KCNAB2: variants seen among roughly 807,000 people sequenced by gnomAD.
The protein encoded by KCNAB2 is potassium voltage-gated channel subfamily A regulatory beta subunit 2, also known as voltage-gated potassium channel subunit beta-2.
KCNAB2 carries 29 observed loss-of-function variants against 63.6 expected under a neutral mutation model. That is an observed-to-expected ratio of 0.46 (90% CI 0.34 to 0.62). The LOEUF (loss-of-function observed/expected upper bound fraction) is 0.62. KCNAB2 is among the 20% of genes least tolerant of loss of function. The pLI is 0.01. For synonymous variants in KCNAB2, 222 were observed against 224.2 expected, an observed-to-expected ratio of 0.99 and a Z score of 0.09; for missense variants, 359 against 563.9, an observed-to-expected ratio of 0.64 and a Z score of 3.68.
chr1:6,068,504 G>A (rs563651718), intron 2 of KCNAB2, among the ~76,000 whole-genome samples: 33 of 152,294 alleles, frequency 2.2e-4, no homozygotes, highest in African/African-American at 7.7e-4. Context: ...TGCAAACACC[G>A]CCTTATACCT....
chr1:6,009,877 T>G (rs903036452), intron 1 of KCNAB2, among the ~76,000 whole-genome samples: 1 of 151,066 alleles, frequency 6.6e-6, no homozygotes, highest in African/African-American at 2.4e-5. Flanking sequence ...TTTTTTCTTT[T>G]TTTTTTTTTT....
chr1:6,033,778 G>C (rs372514286), upstream of KCNAB2, among the ~76,000 whole-genome samples: 1 of 152,168 alleles, frequency 6.6e-6, no homozygotes, highest in African/African-American at 2.4e-5. Context: ...TTTAATGACC[G>C]GATTCCTTCC....
intron 2 of KCNAB2, 109 bp from the exon 3 acceptor site, chr1:6,072,646 C>A: frequency 8.2e-7 from 1 of 1,219,722 alleles, no homozygotes; most frequent in Non-Finnish European, 1.2e-6. Context: ...CCTCCAAACA[C>A]ACATTGACTG....
intron 13 of KCNAB2, 93 bp downstream of exon 13, chr1:6,095,717 G>A: frequency 8.3e-7 from 1 of 1,201,606 alleles, no homozygotes; most frequent in Admixed American, 1.8e-5. Flanking sequence ...GCTGGGCAGG[G>A]GTTCCGGGAG....
intron 2 of KCNAB2, among the ~76,000 whole-genome samples, chr1:6,057,669 G>A (rs955981162): frequency 6.6e-6 from 1 of 152,178 alleles, no homozygotes; most frequent in African/African-American, 2.4e-5. Context: ...ACGGCCAGGT[G>A]CAGCCGGGCC....
At chr1:6,004,582 C>G (rs1013490123) in intron 1 of KCNAB2, among the ~76,000 whole-genome samples, 2 of 151,226 alleles carry the variant, frequency 1.3e-5, no homozygotes, top group African/African-American at 2.4e-5. Context: ...GAAACACCCC[C>G]CCGAGATTCT....
intron 2 of KCNAB2, among the ~76,000 whole-genome samples, chr1:6,066,498 G>A (rs1196111256): frequency 6.6e-6 from 1 of 152,224 alleles, no homozygotes; most frequent in Non-Finnish European, 1.5e-5. Flanking sequence ...CCCAGTTTCA[G>A]GGGGAGATGG....
At chr1:6,050,182 T>C (rs1182326559) in intron 1 of KCNAB2, among the ~76,000 whole-genome samples, 7 of 152,276 alleles carry the variant, frequency 4.6e-5, no homozygotes, top group South Asian at 4.1e-4. Flanking sequence ...ACTTTTCCTC[T>C]CTTGGGGCAG....
At position 6,079,067 on chromosome 1, in the gene KCNAB2, T is replaced by C. The variant is rs138312129; in HGVS notation, c.301-3128T>C. 4.5e-3 allele frequency among the ~76,000 whole-genome samples: 683 copies of C among 152,196 alleles called. 4 individuals are homozygous for C. The highest frequency in any genetic ancestry group is 0.016 in the African/African-American group (646 of 41,528). On this transcript the variant is annotated intron_variant, in intron 4 of 15. Coordinates refer to ENST00000378083, the MANE Select transcript of KCNAB2 (RefSeq NM_001199862.2). ...GCAGGGGCTGAACTTCAGGCTCCAG[T>C]GATGGGAGGATTAGTCAAGGAGGGC...
At chr1:6,077,347 C>A (rs557125556) in intron 4 of KCNAB2, among the ~76,000 whole-genome samples, 1 of 152,130 alleles carries the variant, frequency 6.6e-6, no homozygotes, top group African/African-American at 2.4e-5. Flanking sequence ...AAATCAGAGC[C>A]GTCAAAACAT....
Position 6,084,677 on chromosome 1 carries a change from G to A in KCNAB2, c.381-527G>A, listed in dbSNP as rs561131299. Among the ~76,000 whole-genome samples, 18 of 152,210 alleles carry A rather than the reference G, an allele frequency of 1.2e-4. No homozygotes were observed. In the South Asian group the frequency reaches 2.1e-3, roughly 18 times the overall value. On this transcript the variant is annotated intron_variant, in intron 5 of 15. Coordinates refer to ENST00000378083, the MANE Select transcript of KCNAB2 (RefSeq NM_001199862.2). ...CTAAAAATACAAAAATTAGCCGGGC[G>A]TGGTGGCAGGTGCCTGTAGTCCCAG... is the stretch of plus-strand genomic sequence containing the variant.
At position 6,091,269 on chromosome 1, in the gene KCNAB2, C is replaced by T. The variant is rs995911538; in HGVS notation, c.608C>T (p.Pro203Leu). 1 of 1,533,190 alleles carries T rather than the reference C, an allele frequency of 6.5e-7. No individual in the cohort carries two copies. Among genetic ancestry groups the T allele is most frequent in the African/African-American group, 1.4e-5 (1 of 72,986 alleles). 95.0% of individuals were successfully genotyped at this position (1,533,190 alleles called of 1,614,324 possible). A position where few individuals can be genotyped will look rare whatever the true frequency, so the allele number is the denominator to read the frequency against. ...ATCTTTCTTCTATCACCAGGGGACCCATTTAGTTCCTCCAAGTCAAGGACA... is the reference window on the plus strand; with the variant it reads ...ATCTTTCTTCTATCACCAGGGGACCTATTTAGTTCCTCCAAGTCAAGGACA... Reference protein sequence around the residue: ...PDPNTPMEGDPFSSSKSRTFI... With the variant: ...PDPNTPMEGDLFSSSKSRTFI... The change falls in exon 10 of 16, where the codon CCA becomes CTA. Residue 203 changes from proline (P) to leucine (L), a missense_variant. By Grantham distance (98) the Pro-to-Leu change is moderately conservative. Transcript: ENST00000378083.
intron 1 of KCNAB2, among the ~76,000 whole-genome samples, chr1:6,000,227 T>A (rs376034920): frequency 1.3e-5 from 2 of 152,156 alleles, no homozygotes; most frequent in East Asian, 3.8e-4. Context: ...GTAGCAGGTA[T>A]TTTTAGTCAC....
At chr1:5,997,582 T>G (rs778793918) in intron 1 of KCNAB2, among the ~76,000 whole-genome samples, 6 of 152,208 alleles carry the variant, frequency 3.9e-5, no homozygotes, top group Non-Finnish European at 7.3e-5. Flanking sequence ...GAATGTGTTT[T>G]CATTTTCCAC....
In KCNAB2 at chr1:6,087,862, A is replaced by C. The variant is rs565513450; in HGVS notation, c.470+351A>C. Among the ~76,000 whole-genome samples, 12 of 152,290 alleles carry C rather than the reference A, an allele frequency of 7.9e-5. 1 individual carries two copies. The highest frequency in any genetic ancestry group is 2.6e-4 in the African/African-American group (11 of 41,550). On this transcript the variant is annotated intron_variant, in intron 7 of 15. Transcript: ENST00000378083. The surrounding 1 kb of genome is among the most constrained non-coding windows in gnomAD (Gnocchi z 6.4). ...ATTTTTTCCTGGTCACTATGGTAAC[A>C]TCATAAAAATTATAGAGAAAACAGA...
upstream of KCNAB2, among the ~76,000 whole-genome samples, chr1:6,042,583 T>C (rs1310802934): frequency 6.6e-6 from 1 of 152,016 alleles, no homozygotes; most frequent in Admixed American, 6.6e-5. Context: ...CCCTAGGAAG[T>C]AAAATGTCAG....
chr1:6,033,169 C>A (rs935352814), upstream of KCNAB2, among the ~76,000 whole-genome samples: 3 of 152,172 alleles, frequency 2.0e-5, no homozygotes, highest in East Asian at 3.9e-4. Flanking sequence ...CACTTTCAAA[C>A]AGTTCAGAGA....
rs1664813011 is a variant in KCNAB2 at position 6,087,573 on chromosome 1, C to A, written c.470+62C>A. On this transcript the variant is annotated intron_variant, in intron 7 of 15. Transcript: ENST00000378083. This position sits in a 1 kb window ranked among gnomAD's most constrained non-coding sequence, Gnocchi z 6.4. Reference sequence around the variant, plus strand: ...CCAGCAGCCACGGCCCCGTGCTCCCCAGAGACCCCTGACCTAGAAGGCTCC... The same window carrying A: ...CCAGCAGCCACGGCCCCGTGCTCCCAAGAGACCCCTGACCTAGAAGGCTCC... 9 of 1,563,192 alleles carry A rather than the reference C, an allele frequency of 5.8e-6. No individual in the cohort carries two copies. In the Admixed American group the frequency reaches 8.4e-5, roughly 15 times the overall value.
chr1:6,096,889 C>T lies in KCNAB2; in HGVS notation c.1069+133C>T, dbSNP rs1014528507. On this transcript the variant is annotated intron_variant, in intron 14 of 15. Coordinates refer to ENST00000378083, the MANE Select transcript of KCNAB2 (RefSeq NM_001199862.2). The surrounding 1 kb of genome is among the most constrained non-coding windows in gnomAD (Gnocchi z 5.9). ...GGGAAGGGATCCCTGGACATCATCCCCCAGCCAGCCTCGGGTAATCGGGCT... is the reference window on the plus strand; with the variant it reads ...GGGAAGGGATCCCTGGACATCATCCTCCAGCCAGCCTCGGGTAATCGGGCT... The T allele has an allele frequency of 2.4e-5, 29 of 1,215,516 alleles. No individual in the cohort carries two copies. The African/African-American group carries it at 4.0e-4, about 17-fold the overall frequency. 75.3% of individuals were successfully genotyped at this position (1,215,516 alleles called of 1,614,324 possible).
Sources: allele counts gnomAD v4.1 joint callset (sites outside exome capture counted in the v4.1 genomes callset), GRCh38; gene constraint gnomAD v4.1.1; non-coding constraint Gnocchi (gnomAD v3.1); transcripts MANE v1.5; gene names NCBI Gene and HGNC (gene_info 2026-07-23, HGNC 2026-07-21).